ACMSD: variants seen among roughly 807,000 people sequenced by gnomAD.
The protein encoded by ACMSD is 2-amino-3-carboxymuconate-6-semialdehyde decarboxylase.
A neutral mutation model predicts 45.9 loss-of-function variants in ACMSD; 37 were observed. The ratio of observed to expected loss-of-function variants is 0.81; its 90% CI spans 0.62 to 1.06. ACMSD has a LOEUF of 1.06. Ranked by LOEUF, ACMSD falls within the 50% of genes least tolerant of loss-of-function variation. ACMSD has a pLI of 0.00. For synonymous variants in ACMSD, 138 were observed against 148.8 expected (o/e 0.93, Z 0.53); for missense variants, 434 against 420.9 (o/e 1.03, Z -0.27).
At chr2:134,895,113 G>A (rs187689453) in intron 8 of ACMSD, among the ~76,000 whole-genome samples, 2 of 151,594 alleles carry the variant, frequency 1.3e-5, no homozygotes, top group Admixed American at 1.3e-4. Flanking sequence ...AGACCATCCT[G>A]GCTAACACAG....
intron 3 of ACMSD, among the ~76,000 whole-genome samples, chr2:134,860,347 A>G (rs1687789467): frequency 6.6e-6 from 1 of 152,188 alleles, no homozygotes; most frequent in South Asian, 2.1e-4. Context: ...TGCCTGGTTG[A>G]CTGTGCCACC....
intron 2 of ACMSD, among the ~76,000 whole-genome samples, chr2:134,846,851 T>A (rs1687075534): frequency 6.6e-6 from 1 of 152,176 alleles, no homozygotes; most frequent in Admixed American, 6.5e-5. Flanking sequence ...CAAGTCAACA[T>A]GATCAATTCA....
intron 1 of ACMSD, among the ~76,000 whole-genome samples, chr2:134,844,086 G>A (rs897468485): frequency 3.9e-5 from 6 of 152,212 alleles, no homozygotes; most frequent in African/African-American, 1.4e-4. Context: ...CCATGAAAGC[G>A]TGAAGAAGGA....
chr2:134,890,453 A>G (rs1410759254), intron 8 of ACMSD, among the ~76,000 whole-genome samples: 1 of 152,032 alleles, frequency 6.6e-6, no homozygotes, highest in African/African-American at 2.4e-5. Context: ...TAACAACTAA[A>G]TTTAATATGT....
intron 7 of ACMSD, among the ~76,000 whole-genome samples, chr2:134,872,244 AT>A (rs1688492858): frequency 6.6e-6 from 1 of 152,164 alleles, no homozygotes; most frequent in South Asian, 2.1e-4. Context: ...GGTGTGAGCC[AT>A]TGTGCCTGGC....
chr2:134,878,495 T>C (rs1174581358), intron 8 of ACMSD, among the ~76,000 whole-genome samples: 1 of 151,990 alleles, frequency 6.6e-6, no homozygotes, highest in Non-Finnish European at 1.5e-5. Flanking sequence ...GCTGGCTAAT[T>C]TTTGTATATT....
chr2:134,859,422 G>T, intron 3 of ACMSD, 65 bp downstream of exon 3: 1 of 1,494,242 alleles, frequency 6.7e-7, no homozygotes, highest in Non-Finnish European at 9.3e-7. Flanking sequence ...CTTAAAGTTT[G>T]CTGACAACTT....
At chr2:134,867,489 T>A (rs985061520) in intron 5 of ACMSD, 90 bp from the exon 6 acceptor site, 1 of 968,070 alleles carries the variant, frequency 1.0e-6, no homozygotes, top group Admixed American at 1.8e-5. Context: ...CAATATAGAC[T>A]CAGAGAAAAG....
chr2:134,878,171 A>G (rs1320119300), intron 8 of ACMSD, among the ~76,000 whole-genome samples: 1 of 152,250 alleles, frequency 6.6e-6, no homozygotes, highest in East Asian at 1.9e-4. Context: ...CGAGACAAGC[A>G]TAGGATACTT....
intron 8 of ACMSD, among the ~76,000 whole-genome samples, chr2:134,881,678 T>C (rs1235914034): frequency 6.6e-6 from 1 of 152,194 alleles, no homozygotes; most frequent in Non-Finnish European, 1.5e-5. Context: ...ATACCATACG[T>C]ATTAGAAATA....
At chr2:134,901,079 A>G (rs1690470847) in intron 9 of ACMSD, among the ~76,000 whole-genome samples, 1 of 152,188 alleles carries the variant, frequency 6.6e-6, no homozygotes, top group Non-Finnish European at 1.5e-5. Flanking sequence ...GCTGTGTAAG[A>G]ACCCTGAAGT....
intron 8 of ACMSD, among the ~76,000 whole-genome samples, chr2:134,887,896 A>G (rs1474103011): frequency 1.3e-5 from 2 of 152,218 alleles, no homozygotes; most frequent in Non-Finnish European, 2.9e-5. Flanking sequence ...CAACTAAACA[A>G]AAAAGCTAAA....
chr2:134,869,346 G>A (rs755332892), intron 6 of ACMSD, among the ~76,000 whole-genome samples: 1 of 152,010 alleles, frequency 6.6e-6, no homozygotes, highest in African/African-American at 2.4e-5. Context: ...CCAAGTAGCT[G>A]GGATTACAAG....
chr2:134,885,376 T>TA (rs1224674205), intron 8 of ACMSD, among the ~76,000 whole-genome samples: 1 of 106,052 alleles, frequency 9.4e-6, no homozygotes, highest in Non-Finnish European at 1.8e-5. Flanking sequence ...ATATTATATA[T>TA]AATATATATG....
chr2:134,900,467 G>T (rs1302928517), intron 9 of ACMSD, among the ~76,000 whole-genome samples: 1 of 152,144 alleles, frequency 6.6e-6, no homozygotes, highest in Non-Finnish European at 1.5e-5. Context: ...CAAAGCACAA[G>T]AGTAGTAATG....
intron 2 of ACMSD, among the ~76,000 whole-genome samples, chr2:134,856,798 T>C (rs1012577617): frequency 1.3e-5 from 2 of 152,234 alleles, no homozygotes; most frequent in African/African-American, 4.8e-5. Context: ...ACTCTGTTGA[T>C]CGTTTCCTTT....
At chr2:134,875,534 G>A (rs1301315212) in intron 8 of ACMSD, among the ~76,000 whole-genome samples, 1 of 152,088 alleles carries the variant, frequency 6.6e-6, no homozygotes, top group East Asian at 1.9e-4. Context: ...TAATCTCTTG[G>A]CTTCCTTCCA....
chr2:134,885,257 A>T lies in ACMSD; in HGVS notation c.849+12616A>T, dbSNP rs1357013664. Among the ~76,000 whole-genome samples the T allele has an allele frequency of 4.2e-3, 433 of 101,942 alleles. 3 individuals are homozygous for T. The highest frequency in any genetic ancestry group is 0.018 in the African/African-American group (411 of 22,502). The allele number at this position is 101,942 out of a possible 152,430, so 66.9% of individuals were successfully genotyped here. On this transcript the variant is annotated intron_variant, in intron 8 of 9. Coordinates refer to ENST00000356140, the MANE Select transcript of ACMSD (RefSeq NM_138326.3). ...ATATGTAAATATATATTTATATATA[A>T]TATATATATAAATATATATATTATA... is the stretch of plus-strand genomic sequence containing the variant.
At chr2:134,890,240 T>C (rs1226799064) in intron 8 of ACMSD, among the ~76,000 whole-genome samples, 1 of 152,112 alleles carries the variant, frequency 6.6e-6, no homozygotes, top group African/African-American at 2.4e-5. Context: ...TGCCCTGATA[T>C]AATGCACTGA....
Sources: gnomAD v4.1 joint callset for allele counts (sites outside exome capture counted in the v4.1 genomes callset) on GRCh38, gnomAD v4.1.1 for gene constraint, MANE v1.5 for transcripts, NCBI Gene and HGNC (gene_info 2026-07-23, HGNC 2026-07-21) for gene names.